The following DCUN1D4 variants were observed in gnomAD, a reference collection of about 807,000 sequenced individuals.
DCUN1D4 encodes the protein DCN1-like protein 4.
A neutral mutation model predicts 47.9 loss-of-function variants in DCUN1D4; 22 were observed. The observed-to-expected ratio is 0.46, with a 90% CI of 0.33 to 0.66. DCUN1D4 has a LOEUF of 0.66. Ranked by LOEUF, DCUN1D4 falls within the 30% of genes least tolerant of loss-of-function variation. The probability of loss-of-function intolerance (pLI) is 0.02; values close to 1 mark genes in which losing one functional copy is unlikely to be tolerated. For synonymous variants in DCUN1D4, 121 were observed against 112.2 expected, an observed-to-expected ratio of 1.08 and a Z score of -0.50; for missense variants, 301 against 340.8, an observed-to-expected ratio of 0.88 and a Z score of 0.92.
chr4:51,891,269 G>A (rs750310431), intron 6 of DCUN1D4, among the ~76,000 whole-genome samples: 5 of 152,308 alleles, frequency 3.3e-5, no homozygotes, highest in Non-Finnish European at 7.3e-5. Flanking sequence ...TGGTGTCATA[G>A]TATTCCTTTA....
chr4:51,898,516 G>A (rs1308371233), intron 7 of DCUN1D4, among the ~76,000 whole-genome samples: 5 of 152,212 alleles, frequency 3.3e-5, no homozygotes, highest in Admixed American at 6.5e-5. Flanking sequence ...TAGTCTCAAA[G>A]TATCATCCTG....
chr4:51,916,286 A>G lies in DCUN1D4; in HGVS notation c.*2702A>G, dbSNP rs1285996250. The stretch of plus-strand genomic sequence containing the variant: ...TGCCTCAAACATCCACTGTAATGTT[A>G]CATGCACCTTTTTTGAAGCATGAAC... On this transcript the variant is annotated 3_prime_UTR_variant, in exon 11 of 11. Coordinates refer to ENST00000334635, the MANE Select transcript of DCUN1D4 (RefSeq NM_001040402.3). The G allele has an allele frequency of 1.3e-5, 2 of 152,304 alleles. No homozygotes were observed. Among genetic ancestry groups the G allele is most frequent in the African/African-American group, 4.8e-5 (2 of 41,444 alleles). 9.4% of individuals were successfully genotyped at this position (152,304 alleles called of 1,614,324 possible).
At chr4:51,888,523 C>T (rs1014807681) in intron 6 of DCUN1D4, among the ~76,000 whole-genome samples, 1 of 150,884 alleles carries the variant, frequency 6.6e-6, no homozygotes, top group African/African-American at 2.4e-5. Context: ...GGCGGATCAC[C>T]TGAGGTCAGC....
rs1365394198 is a variant in DCUN1D4 at position 51,914,842 on chromosome 4, T to G, written c.*1258T>G. ...TTATGTCTTTTTTTTTTTTTTTTTT[T>G]GCCATTCTTGAGGAAATATAGAGAT... On this transcript the variant is annotated 3_prime_UTR_variant, in exon 11 of 11. Transcript: ENST00000334635. The G allele has an allele frequency of 3.1e-5, 4 of 130,748 alleles. No homozygotes were observed. Among genetic ancestry groups the G allele is most frequent in the African/African-American group, 1.3e-4 (4 of 31,068 alleles). The allele number at this position is 130,748 out of a possible 1,614,324, so 8.1% of individuals were successfully genotyped here.
At chr4:51,907,061 G>T (rs1350876832) in intron 8 of DCUN1D4, among the ~76,000 whole-genome samples, 2 of 152,146 alleles carry the variant, frequency 1.3e-5, no homozygotes, top group Non-Finnish European at 2.9e-5. Context: ...GTTAACCATA[G>T]AATTAGAAAT....
intron 7 of DCUN1D4, among the ~76,000 whole-genome samples, chr4:51,894,627 A>G (rs572678808): frequency 6.6e-6 from 1 of 152,208 alleles, no homozygotes; most frequent in Non-Finnish European, 1.5e-5. Context: ...CACCTAGTAC[A>G]CAAGAAAACC....
chr4:51,845,155 TTTAGA>T, intron 1 of DCUN1D4: 3 of 985,484 alleles, frequency 3.0e-6, no homozygotes, highest in Non-Finnish European at 3.6e-6. Flanking sequence ...TAAAGCAGCC[TTTAGA>T]ATGGTGTATT....
chr4:51,868,565 A>G (rs1288392620), intron 3 of DCUN1D4, among the ~76,000 whole-genome samples: 2 of 152,218 alleles, frequency 1.3e-5, no homozygotes, highest in African/African-American at 4.8e-5. Context: ...TGAGCAACAT[A>G]AAATCTATGA....
chr4:51,880,022 G>T (rs1454522999), intron 5 of DCUN1D4, among the ~76,000 whole-genome samples: 1 of 152,192 alleles, frequency 6.6e-6, no homozygotes, highest in African/African-American at 2.4e-5. Context: ...CAAGAAATTT[G>T]TGTGGAGGTG....
intron 9 of DCUN1D4, among the ~76,000 whole-genome samples, chr4:51,912,357 C>T (rs1292643335): frequency 6.6e-6 from 1 of 152,136 alleles, no homozygotes. Flanking sequence ...CTGGTTTTTG[C>T]TTTTACCTGC....
the DCUN1D4 span, among the ~76,000 whole-genome samples, chr4:51,836,149 T>C: frequency 6.6e-6 from 1 of 152,332 alleles, no homozygotes; most frequent in Non-Finnish European, 1.5e-5. Flanking sequence ...AGCCCCTGGC[T>C]TTTAAAAATA....
At chr4:51,909,784 C>T (rs148303321) in intron 8 of DCUN1D4, among the ~76,000 whole-genome samples, 5 of 152,324 alleles carry the variant, frequency 3.3e-5, no homozygotes, top group African/African-American at 1.2e-4. Context: ...TATTCATGGA[C>T]AGTCGTTACA....
At chr4:51,909,167 A>G (rs1014319947) in intron 8 of DCUN1D4, among the ~76,000 whole-genome samples, 1 of 152,072 alleles carries the variant, frequency 6.6e-6, no homozygotes, top group Admixed American at 6.6e-5. Flanking sequence ...GTGTATGTCC[A>G]TTGTGACGGG....
At chr4:51,841,173 C>T (rs958076796), upstream of DCUN1D4, among the ~76,000 whole-genome samples, 3 of 151,876 alleles carry the variant, frequency 2.0e-5, no homozygotes, top group Non-Finnish European at 4.4e-5. Flanking sequence ...TTAGAGGTGT[C>T]ACGAAGGAAG....
intron 8 of DCUN1D4, among the ~76,000 whole-genome samples, chr4:51,902,444 A>G (rs1173016595): frequency 2.0e-5 from 3 of 152,178 alleles, no homozygotes; most frequent in African/African-American, 7.2e-5. Flanking sequence ...TACTAGGTTT[A>G]GTATTGTTAT....
At chr4:51,885,945 G>A (rs2110038830) in intron 5 of DCUN1D4, among the ~76,000 whole-genome samples, 1 of 152,250 alleles carries the variant, frequency 6.6e-6, no homozygotes, top group Middle Eastern at 3.4e-3. Context: ...GACATTTAGG[G>A]GCTTATTGGA....
chr4:51,866,188 CA>C (rs1393195353), intron 3 of DCUN1D4, among the ~76,000 whole-genome samples: 1 of 152,114 alleles, frequency 6.6e-6, no homozygotes, highest in Non-Finnish European at 1.5e-5. Flanking sequence ...AACTCAAGGA[CA>C]GTCAAAAACA....
At chr4:51,862,551 A>G (rs1219878935) in intron 1 of DCUN1D4, among the ~76,000 whole-genome samples, 1 of 152,198 alleles carries the variant, frequency 6.6e-6, no homozygotes, top group Non-Finnish European at 1.5e-5. Flanking sequence ...GAGAGTTACA[A>G]TATCTTTTCA....
intron 1 of DCUN1D4, among the ~76,000 whole-genome samples, chr4:51,844,066 G>A (rs1345985891): frequency 7.8e-5 from 11 of 141,794 alleles, no homozygotes; most frequent in African/African-American, 2.6e-4. Flanking sequence ...AGGAAGAGGA[G>A]AAAAAGGTGG....
Sources: allele counts gnomAD v4.1 joint callset (sites outside exome capture counted in the v4.1 genomes callset), GRCh38; gene constraint gnomAD v4.1.1; transcripts MANE v1.5; gene names NCBI Gene and HGNC (gene_info 2026-07-23, HGNC 2026-07-21).